The following SPIDR variants were observed in gnomAD, a reference collection of about 807,000 sequenced individuals.
SPIDR encodes the protein DNA repair-scaffolding protein.
Under a neutral mutation model 104.6 loss-of-function variants are expected in SPIDR, and 93 were observed. The ratio of observed to expected loss-of-function variants is 0.89; its 90% CI spans 0.75 to 1.06. The LOEUF (loss-of-function observed/expected upper bound fraction) is 1.06. SPIDR is among the 50% of genes least tolerant of loss of function. The pLI, the probability that SPIDR is intolerant of heterozygous loss-of-function variation, is 0.00. For missense variants in SPIDR, 1,154 were observed against 1,111.2 expected, an observed-to-expected ratio of 1.04 and a Z score of -0.55; for synonymous variants, 431 against 416.9, an observed-to-expected ratio of 1.03 and a Z score of -0.41.
At chr8:47,449,299 C>T (rs1439158573) in intron 8 of SPIDR, among the ~76,000 whole-genome samples, 1 of 152,010 alleles carries the variant, frequency 6.6e-6, no homozygotes, top group Non-Finnish European at 1.5e-5. Context: ...ATTTGTGGGG[C>T]CCAGTCAATG....
intron 1 of SPIDR, among the ~76,000 whole-genome samples, chr8:47,266,042 G>A (rs868991470): frequency 1.0e-4 from 15 of 150,526 alleles, no homozygotes; most frequent in Middle Eastern, 3.2e-3. Context: ...GAGCCACCAT[G>A]CCCGGTCTGA....
At chr8:47,349,645 A>G (rs1258399900) in intron 5 of SPIDR, among the ~76,000 whole-genome samples, 1 of 152,162 alleles carries the variant, frequency 6.6e-6, no homozygotes, top group Non-Finnish European at 1.5e-5. Flanking sequence ...CTTCCTGGCC[A>G]GTTTGTTTAC....
rs1372706989 is a variant in SPIDR, at chr8:47,504,001, C to T, written c.1097+63459C>T. Among the ~76,000 whole-genome samples, 4 of 152,246 alleles carry T rather than the reference C, an allele frequency of 2.6e-5. No individual in the cohort carries two copies. The East Asian group carries it at 5.8e-4, about 22-fold the overall frequency. On this transcript the variant is annotated intron_variant, in intron 8 of 19. Transcript: ENST00000297423. ...GGCTTGTAGAGTTTCTGCCGAGAGA[C>T]CAGCTGTTAGTCTGATGGGCTTCCC...
chr8:47,320,929 G>A (rs571429534), intron 5 of SPIDR, among the ~76,000 whole-genome samples: 98 of 152,234 alleles, frequency 6.4e-4, no homozygotes, highest in Middle Eastern at 3.4e-3. Context: ...AATAAATTAG[G>A]TATTGATGGG....
Position 47,303,929 on chromosome 8 carries a change from G to A in SPIDR, c.525+9899G>A, listed in dbSNP as rs1554579975. Among the ~76,000 whole-genome samples the A allele has an allele frequency of 6.2e-4, 94 of 152,172 alleles. No homozygotes were observed. The East Asian group carries it at 0.011, about 18-fold the overall frequency. ...TGACCTCAGTTGATCCACCCACCTC[G>A]GCCTCCCAAAGTGCTGAGATTACAG... On this transcript the variant is annotated intron_variant, in intron 5 of 19. Coordinates refer to ENST00000297423, the MANE Select transcript of SPIDR (RefSeq NM_001080394.4).
At chr8:47,370,274 T>G (rs2057811866) in intron 5 of SPIDR, among the ~76,000 whole-genome samples, 1 of 152,106 alleles carries the variant, frequency 6.6e-6, no homozygotes, top group Non-Finnish European at 1.5e-5. Flanking sequence ...ATCAACTGCA[T>G]AGGAGGCGCA....
intron 8 of SPIDR, among the ~76,000 whole-genome samples, chr8:47,585,408 A>G (rs2060157735): frequency 6.6e-6 from 1 of 152,218 alleles, no homozygotes; most frequent in African/African-American, 2.4e-5. Context: ...GATTAATGTT[A>G]TACAATGTCT....
chr8:47,733,743 T>C lies in SPIDR; in HGVS notation c.2605-1564T>C, dbSNP rs2085676686. The stretch of plus-strand genomic sequence containing the variant: ...CCACATGGGATCATAATAAACCCCA[T>C]GTGTGAGCGAGTGAGCAGCTGCACT... On this transcript the variant is annotated intron_variant, in intron 19 of 19. Transcript: ENST00000297423. 1.3e-5 allele frequency among the ~76,000 whole-genome samples: 2 copies of C among 152,052 alleles called. 1 individual carries two copies. Among genetic ancestry groups the C allele is most frequent in the South Asian group, 4.2e-4 (2 of 4,774 alleles).
At chr8:47,628,307 T>C (rs2066521590) in intron 10 of SPIDR, among the ~76,000 whole-genome samples, 1 of 152,210 alleles carries the variant, frequency 6.6e-6, no homozygotes, top group Admixed American at 6.5e-5. Flanking sequence ...CTTATGGGGA[T>C]AGAGAATAAT....
intron 5 of SPIDR, among the ~76,000 whole-genome samples, chr8:47,345,144 G>T (rs1554616930): frequency 1.3e-5 from 2 of 152,164 alleles, no homozygotes; most frequent in East Asian, 1.9e-4. Context: ...TTTATATAAG[G>T]TGTAAGGAAG....
At chr8:47,685,428 T>C (rs1352806063) in intron 11 of SPIDR, among the ~76,000 whole-genome samples, 2 of 151,844 alleles carry the variant, frequency 1.3e-5, no homozygotes, top group Non-Finnish European at 1.5e-5. Context: ...CCCTTCACTG[T>C]CCTTCTTACC....
At chr8:47,551,380 G>T (rs1022901463) in intron 8 of SPIDR, among the ~76,000 whole-genome samples, 1 of 152,122 alleles carries the variant, frequency 6.6e-6, no homozygotes, top group Non-Finnish European at 1.5e-5. Context: ...GTGGAATTTG[G>T]CTGTGAATCC....
At chr8:47,535,985 A>G (rs2154386437) in intron 8 of SPIDR, among the ~76,000 whole-genome samples, 1 of 152,292 alleles carries the variant, frequency 6.6e-6, no homozygotes, top group South Asian at 2.1e-4. Context: ...AGAATATGTT[A>G]ATATGTAATA....
At chr8:47,622,917 A>T (rs929894878) in intron 10 of SPIDR, among the ~76,000 whole-genome samples, 5 of 152,100 alleles carry the variant, frequency 3.3e-5, no homozygotes, top group African/African-American at 1.2e-4. Context: ...TGGAGTAGAA[A>T]AACACTTGTG....
intron 8 of SPIDR, among the ~76,000 whole-genome samples, chr8:47,530,421 G>A (rs929727796): frequency 3.9e-5 from 6 of 152,288 alleles, no homozygotes; most frequent in African/African-American, 1.4e-4. Context: ...TCCAGCCTGG[G>A]TGACACTGCG....
chr8:47,714,828 G>A (rs758618533), intron 16 of SPIDR, among the ~76,000 whole-genome samples: 9 of 152,148 alleles, frequency 5.9e-5, no homozygotes, highest in East Asian at 1.9e-4. Flanking sequence ...AGGATCTCTC[G>A]TGTTTTTGCA....
At chr8:47,292,908 C>G (rs1250912968) in intron 4 of SPIDR, among the ~76,000 whole-genome samples, 3 of 151,990 alleles carry the variant, frequency 2.0e-5, no homozygotes, top group Admixed American at 2.0e-4. Context: ...TGAATGAGTG[C>G]TGCACAGATG....
intron 7 of SPIDR, among the ~76,000 whole-genome samples, chr8:47,425,700 A>G (rs1243508288): frequency 2.0e-5 from 3 of 152,264 alleles, no homozygotes; most frequent in Admixed American, 1.3e-4. Flanking sequence ...TCTTTAGGTT[A>G]TTATTGAAGT....
rs782561443 is a variant in SPIDR, at chr8:47,407,845, A to G, written c.777-16A>G. 5.1e-5 allele frequency: 77 copies of G among 1,503,844 alleles called. No homozygotes were observed. In the East Asian group the frequency reaches 1.7e-3, roughly 33 times the overall value. 93.2% of individuals were successfully genotyped at this position (1,503,844 alleles called of 1,614,324 possible). A position where few individuals can be genotyped will look rare whatever the true frequency, so the allele number is the denominator to read the frequency against. ...TCCTTTTAACTAAACTTAATACATT[A>G]TAATTCATTAAACAGAGGTGGACTA... On this transcript the variant is annotated splice_polypyrimidine_tract_variant and intron_variant, in intron 6 of 19. Coordinates refer to ENST00000297423, the MANE Select transcript of SPIDR (RefSeq NM_001080394.4).
Sources: gnomAD v4.1 joint callset for allele counts (sites outside exome capture counted in the v4.1 genomes callset) on GRCh38, gnomAD v4.1.1 for gene constraint, MANE v1.5 for transcripts, NCBI Gene and HGNC (gene_info 2026-07-23, HGNC 2026-07-21) for gene names.